Variants in LUZP2 observed in about 807,000 individuals in gnomAD.
LUZP2 encodes the protein leucine zipper protein 2.
In LUZP2, 52 loss-of-function variants were observed where a neutral mutation model predicts 51.6. That is an observed-to-expected ratio of 1.01 (90% CI 0.81 to 1.27). LUZP2 has a LOEUF of 1.27. LUZP2 is among the 50% of genes most tolerant of loss of function. LUZP2 has a pLI of 0.00. For missense variants in LUZP2, 436 were observed against 395.4 expected, an observed-to-expected ratio of 1.10 and a Z score of -0.87; for synonymous variants, 154 against 137.3, an observed-to-expected ratio of 1.12 and a Z score of -0.85.
chr11:24,982,803 A>G (rs765442555), intron 8 of LUZP2, among the ~76,000 whole-genome samples: 11 of 151,842 alleles, frequency 7.2e-5, no homozygotes, highest in Non-Finnish European at 1.0e-4. Context: ...AAAAAAGGAT[A>G]TTTTCTACAT....
intron 1 of LUZP2, among the ~76,000 whole-genome samples, chr11:24,574,256 CTTT>C (rs1350912401): frequency 7.0e-4 from 4 of 5,722 alleles, no homozygotes; most frequent in African/African-American, 1.4e-3. Flanking sequence ...TTCTTTCTTT[CTTT>C]CTTGCTTTCT....
intron 9 of LUZP2, among the ~76,000 whole-genome samples, chr11:25,015,002 T>C (rs992015711): frequency 3.3e-5 from 5 of 152,186 alleles, no homozygotes; most frequent in South Asian, 4.1e-4. Flanking sequence ...CTTTATTAAA[T>C]AGGGAATCCT....
At chr11:24,745,314 C>T (rs1021062894) in intron 4 of LUZP2, among the ~76,000 whole-genome samples, 2 of 151,950 alleles carry the variant, frequency 1.3e-5, no homozygotes, top group Non-Finnish European at 2.9e-5. Context: ...TATTGAAGTC[C>T]CCCACTATTA....
chr11:24,667,698 G>T (rs984796434), intron 1 of LUZP2, among the ~76,000 whole-genome samples: 1 of 152,060 alleles, frequency 6.6e-6, no homozygotes, highest in African/African-American at 2.4e-5. Context: ...AGCAAATATA[G>T]CAAGTGATAA....
At chr11:24,876,629 G>C (rs1227465327) in intron 5 of LUZP2, among the ~76,000 whole-genome samples, 1 of 151,518 alleles carries the variant, frequency 6.6e-6, no homozygotes, top group Non-Finnish European at 1.5e-5. Flanking sequence ...TTCCAATTCT[G>C]TGAAGAAAGT....
chr11:24,681,238 C>T (rs1346619951), intron 1 of LUZP2, among the ~76,000 whole-genome samples: 1 of 152,174 alleles, frequency 6.6e-6, no homozygotes, highest in African/African-American at 2.4e-5. Context: ...GCCTCGGCCT[C>T]CCAAAGTGCT....
At chr11:24,929,919 G>A (rs1468922766) in intron 7 of LUZP2, among the ~76,000 whole-genome samples, 1 of 152,110 alleles carries the variant, frequency 6.6e-6, no homozygotes, top group African/African-American at 2.4e-5. Flanking sequence ...TCCAGTGTTA[G>A]GTGCTTATAT....
intron 1 of LUZP2, among the ~76,000 whole-genome samples, chr11:24,498,475 T>C (rs188109445): frequency 1.3e-5 from 2 of 152,280 alleles, no homozygotes; most frequent in African/African-American, 4.8e-5. Context: ...GACTATTTCA[T>C]TTACCCTCAA....
At chr11:24,568,171 C>T (rs4565897) in intron 1 of LUZP2, among the ~76,000 whole-genome samples, 86,798 of 151,826 alleles carry the variant, frequency 0.57, 25,316 homozygotes, top group East Asian at 0.71. Flanking sequence ...ACCAGCCTGG[C>T]CAAGATGGCG....
Position 25,082,155 on chromosome 11 carries a change from A to G in LUZP2, c.*3497A>G, listed in dbSNP as rs1347272111. 6.6e-6 allele frequency: 1 copy of G among 152,574 alleles called. No individual in the cohort carries two copies. The highest frequency in any genetic ancestry group is 1.9e-4 in the East Asian group (1 of 5,202). 9.5% of individuals were successfully genotyped at this position (152,574 alleles called of 1,614,324 possible). A position where few individuals can be genotyped will look rare whatever the true frequency, so the allele number is the denominator to read the frequency against. ...TCTCAAATATCTGAATATTGAAAAA[A>G]CTAGGTTGCTAACTTTTTTCATTCC... On this transcript the variant is annotated 3_prime_UTR_variant, in exon 12 of 12. Coordinates refer to ENST00000336930, the MANE Select transcript of LUZP2 (RefSeq NM_001009909.4).
intron 1 of LUZP2, among the ~76,000 whole-genome samples, chr11:24,720,663 A>C (rs1858230313): frequency 6.6e-6 from 1 of 151,084 alleles, no homozygotes; most frequent in African/African-American, 2.4e-5. Context: ...TCTGCTTCAG[A>C]GTATGGATCA....
chr11:25,061,492 T>C (rs6484100), intron 10 of LUZP2, among the ~76,000 whole-genome samples: 135,978 of 152,098 alleles, frequency 0.89, 61,909 homozygotes, highest in Non-Finnish European at 0.98. Flanking sequence ...GTGTTTCTCC[T>C]TAGATCTCCT....
chr11:25,067,257 T>A (rs753804184), intron 10 of LUZP2, among the ~76,000 whole-genome samples: 3 of 152,062 alleles, frequency 2.0e-5, no homozygotes, highest in Non-Finnish European at 4.4e-5. Flanking sequence ...TTGTTTAAGT[T>A]CTTTTTAGAT....
chr11:24,733,585 T>G (rs1858804399), intron 3 of LUZP2, among the ~76,000 whole-genome samples: 1 of 151,510 alleles, frequency 6.6e-6, no homozygotes, highest in Non-Finnish European at 1.5e-5. Context: ...ATAAAAGAAC[T>G]GGAGATTAGA....
At chr11:24,915,062 A>G (rs761486099) in intron 7 of LUZP2, among the ~76,000 whole-genome samples, 1 of 151,664 alleles carries the variant, frequency 6.6e-6, no homozygotes, top group Non-Finnish European at 1.5e-5. Context: ...GATATATTGT[A>G]TGTAAACCTT....
chr11:24,760,816 A>G (rs1859952215), intron 4 of LUZP2, among the ~76,000 whole-genome samples: 1 of 152,196 alleles, frequency 6.6e-6, no homozygotes, highest in African/African-American at 2.4e-5. Context: ...TTTCATTCTT[A>G]TAGTCCTCTA....
chr11:24,537,895 T>TA (rs1056077464), intron 1 of LUZP2, among the ~76,000 whole-genome samples: 28 of 151,778 alleles, frequency 1.8e-4, no homozygotes, highest in African/African-American at 5.3e-4. Context: ...CTTGCTTTCA[T>TA]AAAAAAAATA....
intron 1 of LUZP2, among the ~76,000 whole-genome samples, chr11:24,546,385 T>C (rs888506594): frequency 2.0e-5 from 3 of 152,074 alleles, no homozygotes; most frequent in African/African-American, 7.2e-5. Flanking sequence ...TGCTTCCAGC[T>C]CCTCCCTGTT....
chr11:24,929,150 A>G (rs1035138237), intron 7 of LUZP2, among the ~76,000 whole-genome samples: 3 of 151,832 alleles, frequency 2.0e-5, no homozygotes, highest in African/African-American at 7.3e-5. Flanking sequence ...ATGGTCTATC[A>G]ATTTTATTTA....
Sources: gnomAD v4.1 joint callset for allele counts (sites outside exome capture counted in the v4.1 genomes callset) on GRCh38, gnomAD v4.1.1 for gene constraint, MANE v1.5 for transcripts, NCBI Gene and HGNC (gene_info 2026-07-23, HGNC 2026-07-21) for gene names.